The following SH3BGRL2 variants were observed in gnomAD, a reference collection of about 807,000 sequenced individuals.
SH3BGRL2 encodes the protein SH3 domain binding glutamate rich protein like 2.
A neutral mutation model predicts 14.8 loss-of-function variants in SH3BGRL2; 21 were observed. That is an observed-to-expected ratio of 1.42 (90% CI 1.01 to 2.05). The LOEUF (loss-of-function observed/expected upper bound fraction) is 2.05. SH3BGRL2 is among the 30% of genes most tolerant of loss of function. The pLI is 0.00. For synonymous variants in SH3BGRL2, 50 were observed against 47.8 expected, an observed-to-expected ratio of 1.05 and a Z score of -0.19; for missense variants, 147 against 130.8, an observed-to-expected ratio of 1.12 and a Z score of -0.61.
At chr6:79,557,759 T>C in the SH3BGRL2 span, among the ~76,000 whole-genome samples, 2 of 152,184 alleles carry the variant, frequency 1.3e-5, no homozygotes. Context: ...GAGAATGACT[T>C]TTTTCTAAGT....
the SH3BGRL2 span, among the ~76,000 whole-genome samples, chr6:79,540,726 T>C: frequency 2.0e-5 from 3 of 152,166 alleles, no homozygotes; most frequent in African/African-American, 7.2e-5. Context: ...AATGAACTAC[T>C]GATTAACACG....
intron 1 of SH3BGRL2, among the ~76,000 whole-genome samples, chr6:79,634,356 A>G (rs550396632): frequency 3.3e-5 from 5 of 152,288 alleles, no homozygotes; most frequent in African/African-American, 1.2e-4. Flanking sequence ...CGGATTTCTT[A>G]TTCAACTGAC....
intron 1 of SH3BGRL2, among the ~76,000 whole-genome samples, chr6:79,652,082 C>A (rs910966316): frequency 6.6e-6 from 1 of 152,154 alleles, no homozygotes; most frequent in African/African-American, 2.4e-5. Flanking sequence ...CAATTAAGAA[C>A]AACTGGGTAG....
At chr6:79,580,155 T>G in the SH3BGRL2 span, among the ~76,000 whole-genome samples, 33 of 152,276 alleles carry the variant, frequency 2.2e-4, no homozygotes, top group South Asian at 6.2e-4. Flanking sequence ...AAGCAAGTCC[T>G]TAGAGACCTA....
Position 79,631,350 on chromosome 6 carries a change from A to G in SH3BGRL2, c.-112A>G. 1 of 974,210 alleles carries G rather than the reference A, an allele frequency of 1.0e-6. No homozygotes were observed. The highest frequency in any genetic ancestry group is 1.4e-6 in the Non-Finnish European group (1 of 715,582). 60.3% of individuals were successfully genotyped at this position (974,210 alleles called of 1,614,324 possible). On this transcript the variant is annotated 5_prime_UTR_variant, in exon 1 of 4. Transcript: ENST00000369838. ...AGCCAGATCCCAGCGATCTTCCCCG[A>G]CGGCAGCGCTTTACCCAGAGGCTGC...
the SH3BGRL2 span, among the ~76,000 whole-genome samples, chr6:79,546,328 G>T: frequency 6.6e-6 from 1 of 152,138 alleles, no homozygotes; most frequent in Non-Finnish European, 1.5e-5. Flanking sequence ...GCTTAGTGGG[G>T]TTTTTCCTGC....
chr6:79,572,966 T>C, the SH3BGRL2 span, among the ~76,000 whole-genome samples: 16,252 of 152,266 alleles, frequency 0.11, 979 homozygotes, highest in Non-Finnish European at 0.13. Flanking sequence ...CTTTTTAAAA[T>C]GGTGTCTTTA....
At chr6:79,659,443 G>A (rs1391205843) in intron 1 of SH3BGRL2, among the ~76,000 whole-genome samples, 1 of 152,126 alleles carries the variant, frequency 6.6e-6, no homozygotes, top group African/African-American at 2.4e-5. Flanking sequence ...AGATCAGATG[G>A]TTGTAGATGT....
chr6:79,633,511 G>A (rs1440679718), intron 1 of SH3BGRL2, among the ~76,000 whole-genome samples: 3 of 152,080 alleles, frequency 2.0e-5, no homozygotes, highest in African/African-American at 7.2e-5. Flanking sequence ...TATTGTGAAG[G>A]CTCAGATCCC....
the SH3BGRL2 span, among the ~76,000 whole-genome samples, chr6:79,546,307 T>C: frequency 6.6e-6 from 1 of 152,188 alleles, no homozygotes; most frequent in Admixed American, 6.5e-5. Flanking sequence ...GTCTTGTTTC[T>C]CCCACTTCCT....
At chr6:79,693,473 A>G (rs1406631751) in intron 2 of SH3BGRL2, among the ~76,000 whole-genome samples, 1 of 150,810 alleles carries the variant, frequency 6.6e-6, no homozygotes, top group East Asian at 1.9e-4. Context: ...TTGCCCATTC[A>G]GTATGATATT....
chr6:79,649,166 T>C (rs1769229589), intron 1 of SH3BGRL2, among the ~76,000 whole-genome samples: 2 of 152,178 alleles, frequency 1.3e-5, no homozygotes, highest in South Asian at 4.1e-4. Flanking sequence ...TAAGGCAGAA[T>C]TGGAGAATTC....
At chr6:79,643,456 T>A (rs1769070121) in intron 1 of SH3BGRL2, among the ~76,000 whole-genome samples, 1 of 152,202 alleles carries the variant, frequency 6.6e-6, no homozygotes, top group Non-Finnish European at 1.5e-5. Context: ...GCTGCTGAGC[T>A]GATAATTGTA....
chr6:79,605,076 A>C, the SH3BGRL2 span, among the ~76,000 whole-genome samples: 1 of 152,134 alleles, frequency 6.6e-6, no homozygotes, highest in African/African-American at 2.4e-5. Context: ...ACTTGCTTTG[A>C]CCAATAAAAT....
the SH3BGRL2 span, among the ~76,000 whole-genome samples, chr6:79,625,714 A>C: frequency 6.6e-6 from 1 of 152,200 alleles, no homozygotes; most frequent in Non-Finnish European, 1.5e-5. Context: ...CTGAGTCCTA[A>C]CTATGTGCCA....
the SH3BGRL2 span, among the ~76,000 whole-genome samples, chr6:79,588,503 G>A: frequency 3.9e-5 from 6 of 152,120 alleles, no homozygotes; most frequent in African/African-American, 1.2e-4. Flanking sequence ...CTGCTTTGAA[G>A]TAGAAGCGGG....
upstream of SH3BGRL2, among the ~76,000 whole-genome samples, chr6:79,629,341 G>A (rs188328757): frequency 6.6e-6 from 1 of 152,156 alleles, no homozygotes; most frequent in Non-Finnish European, 1.5e-5. Flanking sequence ...GAATCTTTAG[G>A]GTAGAAATGT....
At chr6:79,697,196 C>T (rs545345454) in intron 3 of SH3BGRL2, among the ~76,000 whole-genome samples, 2 of 152,080 alleles carry the variant, frequency 1.3e-5, no homozygotes, top group South Asian at 4.1e-4. Context: ...GATATTATTT[C>T]TTTTTTTAAA....
At chr6:79,558,630 C>G in the SH3BGRL2 span, among the ~76,000 whole-genome samples, 20 of 151,644 alleles carry the variant, frequency 1.3e-4, no homozygotes, top group African/African-American at 4.8e-4. Context: ...TTTGGGAGGC[C>G]GAGGAGGGCA....
Sources: allele counts gnomAD v4.1 joint callset (sites outside exome capture counted in the v4.1 genomes callset), GRCh38; gene constraint gnomAD v4.1.1; transcripts MANE v1.5; gene names NCBI Gene and HGNC (gene_info 2026-07-23, HGNC 2026-07-21).